CCDC85C: variants seen among roughly 807,000 people sequenced by gnomAD.
CCDC85C encodes the protein coiled-coil domain containing 85C, also known as coiled-coil domain-containing protein 85C.
Under a neutral mutation model 38.3 loss-of-function variants are expected in CCDC85C, and 18 were observed. The ratio of observed to expected loss-of-function variants is 0.47; its 90% CI spans 0.33 to 0.70. The LOEUF is 0.70. Among genes scored for constraint, CCDC85C ranks in the 30% least tolerant of loss-of-function variants. CCDC85C has a pLI of 0.03. For synonymous variants in CCDC85C, 264 were observed against 293.8 expected, an observed-to-expected ratio of 0.90 and a Z score of 1.04; for missense variants, 566 against 621.2, an observed-to-expected ratio of 0.91 and a Z score of 0.94.
Position 99,503,828 on chromosome 14 carries a change from G to T in CCDC85C, c.*11418C>A. On this transcript the variant is annotated 3_prime_UTR_variant, in exon 6 of 6. Coordinates refer to ENST00000380243, the MANE Select transcript of CCDC85C (RefSeq NM_001144995.2). Reference sequence around the variant, plus strand: ...ACCTGATCATAGATTCTAAAATTGTGCTCTTACGAAGCTATCAGTACAGAA... The same window carrying T: ...ACCTGATCATAGATTCTAAAATTGTTCTCTTACGAAGCTATCAGTACAGAA... 1 of 592,766 alleles carries T rather than the reference G, an allele frequency of 1.7e-6. No individual in the cohort carries two copies. The highest frequency in any genetic ancestry group is 3.0e-6 in the Non-Finnish European group (1 of 334,128). 36.7% of individuals were successfully genotyped at this position (592,766 alleles called of 1,614,324 possible).
chr14:99,560,301 G>A (rs991026647), intron 1 of CCDC85C, among the ~76,000 whole-genome samples: 13 of 152,232 alleles, frequency 8.5e-5, no homozygotes, highest in Admixed American at 7.8e-4. Flanking sequence ...CAGCCAGGAG[G>A]TGGGAGGGTC....
intron 1 of CCDC85C, among the ~76,000 whole-genome samples, chr14:99,538,107 G>A (rs1897641284): frequency 6.6e-6 from 1 of 152,312 alleles, no homozygotes; most frequent in Non-Finnish European, 1.5e-5. Flanking sequence ...ACTGTCCCAT[G>A]TGGAACACGT....
chr14:99,524,336 C>G (rs1002537159), intron 2 of CCDC85C, among the ~76,000 whole-genome samples: 1 of 152,014 alleles, frequency 6.6e-6, no homozygotes, highest in Non-Finnish European at 1.5e-5. Flanking sequence ...GTTTGGACTC[C>G]GGCGTCCCTT....
intron 1 of CCDC85C, among the ~76,000 whole-genome samples, chr14:99,574,569 G>A (rs752002399): frequency 3.3e-5 from 5 of 152,156 alleles, no homozygotes; most frequent in Admixed American, 6.5e-5. Context: ...GGGAACTCCC[G>A]GCCTGTGAGG....
At position 99,503,773 on chromosome 14, in the gene CCDC85C, T is replaced by C; in HGVS notation, c.*11473A>G. 1.4e-6 allele frequency: 1 copy of C among 738,058 alleles called. No individual in the cohort carries two copies. Among genetic ancestry groups the C allele is most frequent in the Admixed American group, 2.9e-5 (1 of 34,992 alleles). 45.7% of individuals were successfully genotyped at this position (738,058 alleles called of 1,614,324 possible). ...CTTAACTTTAGAGCTCATACAAAAC[T>C]TTTCCATCAGCATTGTCTTTCTGTT... On this transcript the variant is annotated 3_prime_UTR_variant, in exon 6 of 6. Transcript: ENST00000380243.
At chr14:99,549,699 G>A (rs1214069300) in intron 1 of CCDC85C, among the ~76,000 whole-genome samples, 1 of 152,238 alleles carries the variant, frequency 6.6e-6, no homozygotes, top group Non-Finnish European at 1.5e-5. Context: ...GATAGACTCA[G>A]TTTGAGGACA....
At position 99,588,026 on chromosome 14, in the gene CCDC85C, C is replaced by T. The variant is rs1389371154; in HGVS notation, c.793+15141G>A. Among the ~76,000 whole-genome samples the T allele has an allele frequency of 6.6e-6, 1 of 152,186 alleles. No individual in the cohort carries two copies. Among genetic ancestry groups the T allele is most frequent in the Non-Finnish European group, 1.5e-5 (1 of 68,042 alleles). ...CTCAGCCCTTCCAGCTCGCCTGTGC[C>T]TGCCAGCCCTCACTTGAATCCCCTT... On this transcript the variant is annotated intron_variant, in intron 1 of 5. Coordinates refer to ENST00000380243, the MANE Select transcript of CCDC85C (RefSeq NM_001144995.2). The surrounding 1 kb of genome is among the most constrained non-coding windows in gnomAD (Gnocchi z 5.0).
In CCDC85C at chr14:99,568,246, C is replaced by CTTTTTTTTTTTTTTTTTTTTTTTTTTTT. The variant is rs776784723; in HGVS notation, c.794-32159_794-32158insAAAAAAAAAAAAAAAAAAAAAAAAAAAA. ...AGACACTCTCTGGAGGCCACCTGCC[C>CTTTTTTTTTTTTTTTTTTTTTTTTTTTT]TTTATTTTTTTTTTTTTTTTTTTTG... is the stretch of plus-strand genomic sequence containing the variant. On this transcript the variant is annotated intron_variant, in intron 1 of 5. Coordinates refer to ENST00000380243, the MANE Select transcript of CCDC85C (RefSeq NM_001144995.2). Among the ~76,000 whole-genome samples, 13 of 114,486 alleles carry CTTTTTTTTTTTTTTTTTTTTTTTTTTTT rather than the reference C, an allele frequency of 1.1e-4. 6 individuals carry two copies. Among genetic ancestry groups the CTTTTTTTTTTTTTTTTTTTTTTTTTTTT allele is most frequent in the South Asian group, 5.7e-4 (2 of 3,520 alleles). 75.1% of individuals were successfully genotyped at this position (114,486 alleles called of 152,430 possible).
At chr14:99,522,516 G>A (rs1376280558) in intron 2 of CCDC85C, 2 of 119,188 alleles carry the variant, frequency 1.7e-5, no homozygotes, top group East Asian at 3.7e-4. Flanking sequence ...GAATGAAGAA[G>A]AGCCAGTGAG....
rs1354001510 is a variant in CCDC85C, at chr14:99,572,298, G to A, written c.793+30869C>T. On this transcript the variant is annotated intron_variant, in intron 1 of 5. Coordinates refer to ENST00000380243, the MANE Select transcript of CCDC85C (RefSeq NM_001144995.2). The surrounding 1 kb of genome is among the most constrained non-coding windows in gnomAD (Gnocchi z 4.4). ...GGATGGGTCTTTTCATGCCATCACT[G>A]CCGTCTCCTCCCCGCTACTTTCCCC... Among the ~76,000 whole-genome samples, 3 of 152,108 alleles carry A rather than the reference G, an allele frequency of 2.0e-5. No homozygotes were observed. The East Asian group carries it at 5.8e-4, about 29-fold the overall frequency.
chr14:99,526,923 G>A (rs973572725), intron 2 of CCDC85C, among the ~76,000 whole-genome samples: 19 of 152,134 alleles, frequency 1.2e-4, no homozygotes, highest in African/African-American at 4.3e-4. Context: ...CCACAGACTA[G>A]CCTGGGCTCC....
intron 1 of CCDC85C, among the ~76,000 whole-genome samples, chr14:99,540,910 C>G (rs545400990): frequency 9.9e-4 from 151 of 152,322 alleles, no homozygotes; most frequent in Non-Finnish European, 1.6e-3. Flanking sequence ...CCCAGATACC[C>G]TGCACTGGGT....
chr14:99,585,602 G>A (rs8015948), intron 1 of CCDC85C, among the ~76,000 whole-genome samples: 15,469 of 152,262 alleles, frequency 0.1, 1,338 homozygotes, highest in East Asian at 0.3. Context: ...CCACACACGC[G>A]TCTTGTTTGA....
At position 99,516,307 on chromosome 14, in the gene CCDC85C, G is replaced by A. The variant is rs1165096097; in HGVS notation, c.1072-21C>T. 5 of 1,535,232 alleles carry A rather than the reference G, an allele frequency of 3.3e-6. No individual in the cohort carries two copies. Among genetic ancestry groups the A allele is most frequent in the African/African-American group, 2.7e-5 (2 of 72,732 alleles). On this transcript the variant is annotated intron_variant, in intron 4 of 5. Transcript: ENST00000380243. This position sits in a 1 kb window ranked among gnomAD's most constrained non-coding sequence, Gnocchi z 5.5. ...AGGACCTGAAGGGAACGGGTCTCGG[G>A]GTCAGGGGCAGAGGCCACCGGCAGA...
intron 1 of CCDC85C, among the ~76,000 whole-genome samples, chr14:99,573,824 T>C (rs561973395): frequency 1.8e-4 from 27 of 152,248 alleles, no homozygotes; most frequent in African/African-American, 5.5e-4. Context: ...GCCCCTGCCC[T>C]GCAGAAGCCT....
intron 2 of CCDC85C, chr14:99,522,754 G>C (rs1189059112): frequency 6.5e-6 from 1 of 154,020 alleles, no homozygotes; most frequent in African/African-American, 2.4e-5. Context: ...TGGGCAGGGA[G>C]CTCCTAAAGC....
rs756475241 is a variant in CCDC85C, at chr14:99,502,383, G to A, written c.*12863C>T. ...CCGGTCGACGTTTTGGAAGGTACCA[G>A]GCATGCTAAGCGTTCTCGTGAGGGT... On this transcript the variant is annotated 3_prime_UTR_variant, in exon 6 of 6. Transcript: ENST00000380243. 1.2e-6 allele frequency: 2 copies of A among 1,612,994 alleles called. No individual in the cohort carries two copies. Among genetic ancestry groups the A allele is most frequent in the African/African-American group, 1.3e-5 (1 of 75,006 alleles).
At chr14:99,582,230 G>A (rs1385200938) in intron 1 of CCDC85C, among the ~76,000 whole-genome samples, 1 of 152,142 alleles carries the variant, frequency 6.6e-6, no homozygotes, top group East Asian at 1.9e-4. Context: ...GCGCGGCCTA[G>A]CAGACACAGC....
chr14:99,598,584 G>A (rs2055168086), intron 1 of CCDC85C, among the ~76,000 whole-genome samples: 1 of 152,198 alleles, frequency 6.6e-6, no homozygotes, highest in African/African-American at 2.4e-5. Flanking sequence ...GAGGCCCCGG[G>A]CCTGGCATCC....
Sources: allele counts gnomAD v4.1 joint callset (sites outside exome capture counted in the v4.1 genomes callset), GRCh38; gene constraint gnomAD v4.1.1; non-coding constraint Gnocchi (gnomAD v3.1); transcripts MANE v1.5; gene names NCBI Gene and HGNC (gene_info 2026-07-23, HGNC 2026-07-21).